AFG2A: variants seen among roughly 807,000 people sequenced by gnomAD.
AFG2A encodes the protein ATPase family gene 2 protein homolog A.
the AFG2A span, among the ~76,000 whole-genome samples, chr4:123,166,049 T>C: frequency 6.6e-6 from 1 of 152,236 alleles, no homozygotes; most frequent in Non-Finnish European, 1.5e-5. Flanking sequence ...CAATGGAGCA[T>C]TGATGCTGAT....
the AFG2A span, among the ~76,000 whole-genome samples, chr4:123,311,116 G>A: frequency 3.2e-4 from 49 of 152,180 alleles, no homozygotes; most frequent in African/African-American, 7.5e-4. Context: ...CTCAAGTTTC[G>A]TAGTTCTCCA....
At chr4:123,104,842 T>A in the AFG2A span, among the ~76,000 whole-genome samples, 1 of 152,208 alleles carries the variant, frequency 6.6e-6, no homozygotes, top group Non-Finnish European at 1.5e-5. Context: ...AGTTGGCAGC[T>A]AGCAGAACTT....
chr4:123,153,511 ATT>A, the AFG2A span, among the ~76,000 whole-genome samples: 7 of 152,112 alleles, frequency 4.6e-5, no homozygotes, highest in African/African-American at 1.7e-4. Flanking sequence ...GGATGTGCAG[ATT>A]TGTTACATAG....
At chr4:123,230,454 T>C in the AFG2A span, among the ~76,000 whole-genome samples, 1 of 151,958 alleles carries the variant, frequency 6.6e-6, no homozygotes, top group Non-Finnish European at 1.5e-5. Flanking sequence ...GCTCCACTTC[T>C]AATCCTAGTT....
At chr4:123,014,959 T>C in the AFG2A span, among the ~76,000 whole-genome samples, 3 of 152,128 alleles carry the variant, frequency 2.0e-5, no homozygotes, top group Non-Finnish European at 4.4e-5. Flanking sequence ...ATCTGTGAAA[T>C]TGTTAGATGT....
chr4:123,155,383 C>A, the AFG2A span, among the ~76,000 whole-genome samples: 2 of 152,020 alleles, frequency 1.3e-5, no homozygotes, highest in African/African-American at 4.8e-5. Context: ...CAGTCTTATC[C>A]CTATTATGTA....
chr4:123,236,965 A>C, the AFG2A span, among the ~76,000 whole-genome samples: 1 of 152,180 alleles, frequency 6.6e-6, no homozygotes, highest in Non-Finnish European at 1.5e-5. Flanking sequence ...CTGGACCTAG[A>C]CTGATTGATT....
At chr4:123,119,603 C>T in the AFG2A span, among the ~76,000 whole-genome samples, 1 of 152,120 alleles carries the variant, frequency 6.6e-6, no homozygotes, top group Non-Finnish European at 1.5e-5. Flanking sequence ...AAAATTATAA[C>T]ATGTCTTGCC....
the AFG2A span, among the ~76,000 whole-genome samples, chr4:123,035,083 T>G: frequency 6.6e-6 from 1 of 152,216 alleles, no homozygotes; most frequent in Non-Finnish European, 1.5e-5. Context: ...TGCCCTGAAC[T>G]TGCCTGTTTC....
chr4:123,181,027 C>G, the AFG2A span, among the ~76,000 whole-genome samples: 1 of 150,294 alleles, frequency 6.7e-6, no homozygotes, highest in Non-Finnish European at 1.5e-5. Flanking sequence ...CTCTGTCACC[C>G]AGGCTGGAGT....
At chr4:123,102,782 T>C in the AFG2A span, among the ~76,000 whole-genome samples, 2 of 145,510 alleles carry the variant, frequency 1.4e-5, no homozygotes, top group African/African-American at 5.1e-5. Context: ...TGAAGTGTCA[T>C]TTTGTTCCTG....
the AFG2A span, among the ~76,000 whole-genome samples, chr4:123,025,675 GT>G: frequency 6.6e-6 from 1 of 151,852 alleles, no homozygotes; most frequent in Admixed American, 6.6e-5. Context: ...TAGACCTTTG[GT>G]TTTTTTGTCA....
chr4:123,206,128 G>A, the AFG2A span, among the ~76,000 whole-genome samples: 1 of 152,250 alleles, frequency 6.6e-6, no homozygotes, highest in Non-Finnish European at 1.5e-5. Flanking sequence ...GATACACTCA[G>A]AGGACTTTTC....
chr4:123,242,945 T>C, the AFG2A span, among the ~76,000 whole-genome samples: 2 of 152,000 alleles, frequency 1.3e-5, no homozygotes, highest in Admixed American at 1.3e-4. Flanking sequence ...AAGGTATGAA[T>C]AGACATCCCT....
At chr4:123,185,437 A>T in the AFG2A span, among the ~76,000 whole-genome samples, 3 of 152,092 alleles carry the variant, frequency 2.0e-5, no homozygotes, top group Non-Finnish European at 4.4e-5. Flanking sequence ...CAACTCTGTG[A>T]GAGTCTAAGT....
the AFG2A span, among the ~76,000 whole-genome samples, chr4:123,259,197 G>A: frequency 6.6e-6 from 1 of 152,046 alleles, no homozygotes. Flanking sequence ...GATGAGAAGA[G>A]GTTACTTTAA....
chr4:122,967,101 T>A, the AFG2A span, among the ~76,000 whole-genome samples: 10 of 152,312 alleles, frequency 6.6e-5, no homozygotes, highest in Non-Finnish European at 1.3e-4. Flanking sequence ...GAACTATTTT[T>A]AAAAAATATT....
At chr4:122,938,393 T>C in the AFG2A span, 1 of 1,005,564 alleles carries the variant, frequency 9.9e-7, no homozygotes. Flanking sequence ...GGGAAAGATC[T>C]GTAAAATAAT....
At chr4:123,026,621 G>C in the AFG2A span, among the ~76,000 whole-genome samples, 2 of 152,160 alleles carry the variant, frequency 1.3e-5, no homozygotes. Flanking sequence ...AATTTGTACT[G>C]TACTTATGTT....
Sources: gnomAD v4.1 joint callset for allele counts (sites outside exome capture counted in the v4.1 genomes callset) on GRCh38, gnomAD v4.1.1 for gene constraint, MANE v1.5 for transcripts, NCBI Gene and HGNC (gene_info 2026-07-23, HGNC 2026-07-21) for gene names.